Variants in LAMA3 observed in about 807,000 individuals in gnomAD.
LAMA3 encodes the protein laminin subunit alpha-3.
In LAMA3, 281 loss-of-function variants were observed where a neutral mutation model predicts 402.0. The observed-to-expected ratio is 0.70, with a 90% CI of 0.63 to 0.77. The LOEUF is 0.77. LAMA3 is among the 30% of genes least tolerant of loss of function. The pLI is 0.00. For synonymous variants in LAMA3, 1,431 were observed against 1,558.4 expected (o/e 0.92, Z 1.93); for missense variants, 3,840 against 4,215.5 (o/e 0.91, Z 2.47).
intron 31 of LAMA3, among the ~76,000 whole-genome samples, chr18:23,846,753 T>C (rs1415467731): frequency 6.6e-6 from 1 of 152,178 alleles, no homozygotes; most frequent in Non-Finnish European, 1.5e-5. Context: ...AAGATAAGTA[T>C]TTGTGACTCC....
At chr18:23,873,355 G>A (rs955566000) in intron 38 of LAMA3, 5 of 824,892 alleles carry the variant, frequency 6.1e-6, no homozygotes, top group Non-Finnish European at 1.1e-5. Flanking sequence ...TTGACTGGCA[G>A]TGTTTATTAC....
chr18:23,885,183 G>A (rs1426562129), intron 41 of LAMA3, among the ~76,000 whole-genome samples: 1 of 132,634 alleles, frequency 7.5e-6, no homozygotes, highest in Non-Finnish European at 1.5e-5. Context: ...AATGATCTCT[G>A]CATACCCCCT....
At chr18:23,717,337 G>C (rs138429695) in intron 2 of LAMA3, among the ~76,000 whole-genome samples, 91 of 152,192 alleles carry the variant, frequency 6.0e-4, no homozygotes, top group Middle Eastern at 6.8e-3. Context: ...GCATGGTTGA[G>C]AAATAAAATG....
chr18:23,913,944 G>T lies in LAMA3; in HGVS notation c.7330-466G>T, dbSNP rs550386582. Reference sequence around the variant, plus strand: ...TTATGCCGTGATTTTAAAACATTTTGTTTCTACCTTAAGGCGCTCACATTC... The same window carrying T: ...TTATGCCGTGATTTTAAAACATTTTTTTTCTACCTTAAGGCGCTCACATTC... On this transcript the variant is annotated intron_variant, in intron 56 of 74. Transcript: ENST00000313654. Among the ~76,000 whole-genome samples the T allele has an allele frequency of 4.6e-5, 7 of 152,258 alleles. No homozygotes were observed. In the East Asian group the frequency reaches 1.4e-3, roughly 29 times the overall value.
Position 23,725,114 on chromosome 18 carries a change from C to CT in LAMA3, c.447+11055dup, listed in dbSNP as rs200486038. Among the ~76,000 whole-genome samples, 1,304 of 145,570 alleles carry CT rather than the reference C, an allele frequency of 9.0e-3. 15 individuals are homozygous for CT. Among genetic ancestry groups the CT allele is most frequent in the African/African-American group, 0.029 (1,148 of 39,922 alleles). ...AAGTATAACAGTATAACTCACCATT[C>CT]TTTTTTTTTTTTTGAGACAGAGTCT... is the stretch of plus-strand genomic sequence containing the variant. On this transcript the variant is annotated intron_variant, in intron 2 of 74. Transcript: ENST00000313654.
chr18:23,727,070 C>T (rs2061312789), intron 2 of LAMA3, among the ~76,000 whole-genome samples: 1 of 152,104 alleles, frequency 6.6e-6, no homozygotes, highest in Admixed American at 6.6e-5. Flanking sequence ...TTTTGCTGTG[C>T]AGAAACTTTT....
At chr18:23,823,149 G>A (rs879849497) in intron 20 of LAMA3, among the ~76,000 whole-genome samples, 3 of 152,170 alleles carry the variant, frequency 2.0e-5, no homozygotes, top group Middle Eastern at 3.2e-3. Flanking sequence ...CCCAACTTGC[G>A]TGGCTGGAGG....
At chr18:23,785,539 C>T (rs370526170) in intron 12 of LAMA3, among the ~76,000 whole-genome samples, 2 of 152,176 alleles carry the variant, frequency 1.3e-5, no homozygotes, top group African/African-American at 4.8e-5. Context: ...ACAGGTAAAG[C>T]TCTTAGAACT....
intron 11 of LAMA3, among the ~76,000 whole-genome samples, chr18:23,779,628 G>A (rs773040349): frequency 1.1e-4 from 17 of 152,070 alleles, no homozygotes; most frequent in South Asian, 4.2e-4. Flanking sequence ...GGGAGCTCGT[G>A]GATGTTCTCT....
At chr18:23,758,237 G>A (rs758933935) in intron 6 of LAMA3, among the ~76,000 whole-genome samples, 159 bp from the exon 7 acceptor site, 1 of 152,208 alleles carries the variant, frequency 6.6e-6, no homozygotes, top group Non-Finnish European at 1.5e-5. Context: ...GATATGGGAG[G>A]CTTAAATAAT....
chr18:23,768,447 T>C (rs1354598335), intron 8 of LAMA3, among the ~76,000 whole-genome samples: 1 of 152,222 alleles, frequency 6.6e-6, no homozygotes, highest in Non-Finnish European at 1.5e-5. Context: ...AGATATCATC[T>C]CACACCAGCT....
chr18:23,852,663 G>A (rs1323012989), intron 32 of LAMA3, among the ~76,000 whole-genome samples: 1 of 152,214 alleles, frequency 6.6e-6, no homozygotes, highest in Non-Finnish European at 1.5e-5. Flanking sequence ...TGTGTGGGCT[G>A]TTATGGGAAC....
At chr18:23,728,967 G>T (rs907508908) in intron 2 of LAMA3, among the ~76,000 whole-genome samples, 1 of 149,572 alleles carries the variant, frequency 6.7e-6, no homozygotes, top group Non-Finnish European at 1.5e-5. Context: ...GGAGGCAGAG[G>T]TTGCAGTGAG....
At position 23,864,838 on chromosome 18, in the gene LAMA3, T is replaced by G. The variant is rs2064314005; in HGVS notation, c.4638T>G (p.Pro1546=). ...ACCAAGCCAAGTCCTTTGGCTTGCCTGGCGACATGGTTCTTCTGGAAAAGA... is the reference window on the plus strand; with the variant it reads ...ACCAAGCCAAGTCCTTTGGCTTGCCGGGCGACATGGTTCTTCTGGAAAAGA... ...LTYQAKSFGL[P]GDMVLLEKKP... The change falls in exon 36 of 75, where the codon CCT becomes CCG. Residue 1546 remains proline (P), a synonymous_variant. Transcript: ENST00000313654. 6.2e-7 allele frequency: 1 copy of G among 1,613,762 alleles called. No individual in the cohort carries two copies.
intron 2 of LAMA3, among the ~76,000 whole-genome samples, chr18:23,733,838 G>A (rs2061431527): frequency 6.6e-6 from 1 of 152,184 alleles, no homozygotes. Context: ...CTGATCATGA[G>A]TCAAGGTCAT....
intron 38 of LAMA3, 74 bp from the exon 39 acceptor site, chr18:23,876,220 G>A (rs780652065): frequency 3.1e-5 from 29 of 950,158 alleles, no homozygotes; most frequent in South Asian, 5.3e-5. Context: ...GCTTCACAGT[G>A]AGAGGTGTCA....
chr18:23,786,195 A>G lies in LAMA3; in HGVS notation c.1603+2038A>G, dbSNP rs148323286. On this transcript the variant is annotated intron_variant, in intron 12 of 74. Coordinates refer to ENST00000313654, the MANE Select transcript of LAMA3 (RefSeq NM_198129.4). ...TGAGAGTCTCTGTGACATTTCAGCCATGACCCCCTTCATTATCCATCCCCA... is the reference window on the plus strand; with the variant it reads ...TGAGAGTCTCTGTGACATTTCAGCCGTGACCCCCTTCATTATCCATCCCCA... Among the ~76,000 whole-genome samples, 187 of 152,344 alleles carry G rather than the reference A, an allele frequency of 1.2e-3. 1 individual carries two copies. The highest frequency in any genetic ancestry group is 4.4e-3 in the African/African-American group (182 of 41,578).
chr18:23,690,891 A>C, intron 1 of LAMA3, among the ~76,000 whole-genome samples: 1 of 138,232 alleles, frequency 7.2e-6, no homozygotes, highest in South Asian at 2.2e-4. Context: ...TTATTTATTT[A>C]TTTATTTATT....
In LAMA3 at chr18:23,836,091, AT is replaced by A. The variant is rs571523868; in HGVS notation, c.2985-889del. On this transcript the variant is annotated intron_variant, in intron 24 of 74. Coordinates refer to ENST00000313654, the MANE Select transcript of LAMA3 (RefSeq NM_198129.4). ...TAGGATTATGCCTAAATCCAAAAGAATGTGTTTTAATGGATACACACACACA... is the reference window on the plus strand; with the variant it reads ...TAGGATTATGCCTAAATCCAAAAGAAGTGTTTTAATGGATACACACACACA... 1.3e-3 allele frequency among the ~76,000 whole-genome samples: 173 copies of A among 136,758 alleles called. 1 individual carries two copies. Among genetic ancestry groups the A allele is most frequent in the African/African-American group, 4.7e-3 (168 of 35,496 alleles). 89.7% of individuals were successfully genotyped at this position (136,758 alleles called of 152,430 possible). A position where few individuals can be genotyped will look rare whatever the true frequency, so the allele number is the denominator to read the frequency against.
Sources: allele counts gnomAD v4.1 joint callset (sites outside exome capture counted in the v4.1 genomes callset), GRCh38; gene constraint gnomAD v4.1.1; transcripts MANE v1.5; gene names NCBI Gene and HGNC (gene_info 2026-07-23, HGNC 2026-07-21).